Variants in SYNE2 observed in about 807,000 individuals in gnomAD.
The protein encoded by SYNE2 is spectrin repeat containing nuclear envelope protein 2.
In SYNE2, 431 loss-of-function variants were observed where a neutral mutation model predicts 856.3. The ratio of observed to expected loss-of-function variants is 0.50; its 90% confidence interval spans 0.47 to 0.55. The LOEUF is 0.55. Among genes scored for constraint, SYNE2 ranks in the 20% least tolerant of loss-of-function variants. The pLI, the probability that SYNE2 is intolerant of heterozygous loss-of-function variation, is 0.00. For missense variants in SYNE2, 8,129 were observed against 8,023.2 expected (o/e 1.01, Z -0.50); for synonymous variants, 2,923 against 2,872.3 (o/e 1.02, Z -0.56).
At position 64,031,310 on chromosome 14, in the gene SYNE2, G is replaced by A; in HGVS notation, c.7174G>A (p.Glu2392Lys). Residue 2392 changes from glutamate to lysine, a missense_variant, in exon 45 of 116, where the codon GAA becomes AAA. Around this residue, in one of 3 missense-constraint regions of SYNE2, gnomAD observed 297 missense variants for 380.9 expected, o/e 0.78. Transcript: ENST00000555002. ...TTCTGATGTGCAGGAGTCTACTCAGGAATCAGCTGCAGTGGAAAAGTTGGA... is the reference window on the plus strand; with the variant it reads ...TTCTGATGTGCAGGAGTCTACTCAGAAATCAGCTGCAGTGGAAAAGTTGGA... ...ATSDVQESTQ[E>K]SAAVEKLEED... 1 of 1,614,094 alleles carries A rather than the reference G, an allele frequency of 6.2e-7. No homozygotes were observed. Among genetic ancestry groups the A allele is most frequent in the South Asian group, 1.1e-5 (1 of 91,084 alleles).
chr14:64,115,690 C>T (rs184007207), intron 66 of SYNE2, among the ~76,000 whole-genome samples: 15 of 152,278 alleles, frequency 9.9e-5, no homozygotes, highest in Admixed American at 3.9e-4. Flanking sequence ...CTGCTTCTGA[C>T]CTGCTTTGAA....
At chr14:64,076,203 A>G (rs952938368) in intron 54 of SYNE2, 103 bp downstream of exon 54, 7 of 1,340,882 alleles carry the variant, frequency 5.2e-6, no homozygotes, top group African/African-American at 4.4e-5. Flanking sequence ...GATTTCAGCT[A>G]TAACTTCTTT....
intron 1 of SYNE2, among the ~76,000 whole-genome samples, chr14:63,869,659 A>AAC (rs1197863472): frequency 1.3e-5 from 2 of 150,054 alleles, no homozygotes; most frequent in Non-Finnish European, 3.0e-5. Context: ...AAAAAAAAAA[A>AAC]CTGCTCCCAA....
intron 37 of SYNE2, among the ~76,000 whole-genome samples, chr14:64,022,365 G>A (rs980212852): frequency 1.3e-5 from 2 of 152,124 alleles, no homozygotes; most frequent in African/African-American, 2.4e-5. Flanking sequence ...ATGCTTGGAC[G>A]TTTGGTATAG....
At chr14:64,196,821 A>G (rs2098542620) in intron 99 of SYNE2, 2 of 152,218 alleles carry the variant, frequency 1.3e-5, no homozygotes. Flanking sequence ...AAAAAGCTGG[A>G]GATATTTGTT....
At position 64,121,951 on chromosome 14, in the gene SYNE2, C is replaced by T. The variant is rs377701650; in HGVS notation, c.13159-61C>T. 2.4e-4 allele frequency: 387 copies of T among 1,605,464 alleles called. 8 individuals carry two copies. The South Asian group carries it at 3.1e-3, about 13-fold the overall frequency. On this transcript the variant is annotated intron_variant, in intron 68 of 115. Transcript: ENST00000555002. ...ATTAGATTTATCTCAGCAGAGGAAACTAGTGGGTACTAATCGAAAAGCTTG... is the reference window on the plus strand; with the variant it reads ...ATTAGATTTATCTCAGCAGAGGAAATTAGTGGGTACTAATCGAAAAGCTTG...
intron 1 of SYNE2, among the ~76,000 whole-genome samples, chr14:63,863,197 G>A (rs1328838070): frequency 6.6e-6 from 1 of 152,122 alleles, no homozygotes; most frequent in Non-Finnish European, 1.5e-5. Flanking sequence ...AGCATGTGGG[G>A]ATGCATAATA....
chr14:63,942,095 C>T lies in SYNE2; in HGVS notation c.360C>T (p.Asn120=). The change falls in exon 6 of 116, where the codon AAC becomes AAT. Residue 120 remains asparagine (N), a synonymous_variant. Coordinates refer to ENST00000555002, the MANE Select transcript of SYNE2 (RefSeq NM_182914.3). ...NIHVTDIIDG[N]PSIILGLIWT... ...ATGTTACTGATATCATTGATGGAAA[C>T]CCATCCATTATCCTTGGCCTAATTT... 1 of 1,611,168 alleles carries T rather than the reference C, an allele frequency of 6.2e-7. No homozygotes were observed. The highest frequency in any genetic ancestry group is 2.2e-5 in the East Asian group (1 of 44,850).
chr14:64,039,382 C>T (rs966033534), intron 45 of SYNE2, among the ~76,000 whole-genome samples: 1 of 152,138 alleles, frequency 6.6e-6, no homozygotes, highest in Non-Finnish European at 1.5e-5. Flanking sequence ...AGACCATGCT[C>T]AGTCATTTAG....
intron 1 of SYNE2, among the ~76,000 whole-genome samples, chr14:63,806,371 A>T (rs1315524090): frequency 6.6e-6 from 1 of 152,098 alleles, no homozygotes; most frequent in Non-Finnish European, 1.5e-5. Flanking sequence ...GTGCTGCTGG[A>T]TTCAGTTTGC....
intron 51 of SYNE2, 81 bp downstream of exon 51, chr14:64,065,731 A>G (rs940612883): frequency 1.3e-6 from 2 of 1,481,942 alleles, no homozygotes; most frequent in Non-Finnish European, 1.9e-6. Flanking sequence ...TTGTTTTTCT[A>G]TAAAACGAGT....
chr14:63,855,348 G>A (rs929419967), intron 1 of SYNE2, among the ~76,000 whole-genome samples: 1 of 152,112 alleles, frequency 6.6e-6, no homozygotes, highest in African/African-American at 2.4e-5. Flanking sequence ...GGCTTCCTAT[G>A]TCTCTCTGAG....
At chr14:64,081,420 T>G (rs1340351347) in intron 56 of SYNE2, 23 bp from the exon 57 acceptor site, 1 of 1,613,980 alleles carries the variant, frequency 6.2e-7, no homozygotes, top group Middle Eastern at 1.7e-4. Flanking sequence ...CTGACTAAGT[T>G]TGGTCCTGCA....
intron 85 of SYNE2, among the ~76,000 whole-genome samples, chr14:64,155,102 C>A (rs2098274816): frequency 6.6e-6 from 1 of 152,176 alleles, no homozygotes; most frequent in African/African-American, 2.4e-5. Context: ...TGCAACTTAG[C>A]AGTTCTACTC....
At chr14:64,067,467 T>A (rs565449722) in intron 51 of SYNE2, among the ~76,000 whole-genome samples, 1 of 152,218 alleles carries the variant, frequency 6.6e-6, no homozygotes, top group Non-Finnish European at 1.5e-5. Context: ...CAAATTGATA[T>A]AAGATTTTAG....
At chr14:64,182,861 G>A (rs866135447) in intron 96 of SYNE2, among the ~76,000 whole-genome samples, 3 of 152,122 alleles carry the variant, frequency 2.0e-5, no homozygotes, top group East Asian at 1.9e-4. Flanking sequence ...TGACAAAACC[G>A]CCATAGTCAT....
chr14:64,183,135 C>T (rs1374467019), intron 96 of SYNE2, among the ~76,000 whole-genome samples: 1 of 147,048 alleles, frequency 6.8e-6, no homozygotes, highest in South Asian at 2.2e-4. Context: ...GGCTGCCGGG[C>T]GGAGGGGCTC....
At position 64,223,784 on chromosome 14, in the gene SYNE2, A is replaced by G. The variant is rs60310178; in HGVS notation, c.20382+404A>G. 7.1e-3 allele frequency among the ~76,000 whole-genome samples: 1,077 copies of G among 152,258 alleles called. 14 individuals are homozygous for G. The highest frequency in any genetic ancestry group is 0.024 in the African/African-American group (1,013 of 41,528). ...TGGGATCCAACTCAAAACAAAGGGA[A>G]TACCCAGACTGTGGCCTCACCAGAC... On this transcript the variant is annotated intron_variant, in intron 113 of 115. Transcript: ENST00000555002.
intron 57 of SYNE2, among the ~76,000 whole-genome samples, chr14:64,086,636 T>TC (rs1341385919): frequency 1.3e-5 from 2 of 151,956 alleles, no homozygotes; most frequent in Non-Finnish European, 2.9e-5. Context: ...GAACATGGTA[T>TC]ATCTCTTTAT....
Sources: allele counts gnomAD v4.1 joint callset (sites outside exome capture counted in the v4.1 genomes callset), GRCh38; gene constraint gnomAD v4.1.1; regional missense constraint gnomAD v4.1.1; transcripts MANE v1.5; gene names NCBI Gene and HGNC (gene_info 2026-07-23, HGNC 2026-07-21).